The following LIN7A variants were observed in gnomAD, a reference collection of about 807,000 sequenced individuals.
LIN7A encodes protein lin-7 homolog A.
LIN7A carries 25 observed loss-of-function variants against 29.8 expected under a neutral mutation model. The ratio of observed to expected loss-of-function variants is 0.84; its 90% CI spans 0.61 to 1.17. LIN7A has a LOEUF of 1.17. Among genes scored for constraint, LIN7A ranks in the 50% most tolerant of loss-of-function variants. The pLI, the probability that LIN7A is intolerant of heterozygous loss-of-function variation, is 0.00. For missense variants in LIN7A, 239 were observed against 287.0 expected (o/e 0.83, Z 1.21); for synonymous variants, 118 against 107.5 (o/e 1.10, Z -0.60).
intron 2 of LIN7A, among the ~76,000 whole-genome samples, chr12:80,848,541 A>G (rs1346299960): frequency 2.0e-5 from 3 of 152,120 alleles, no homozygotes; most frequent in African/African-American, 7.2e-5. Flanking sequence ...ATTAAAATGT[A>G]GTAGAAAAAA....
At chr12:80,905,640 G>A (rs1876440439) in intron 1 of LIN7A, among the ~76,000 whole-genome samples, 1 of 152,078 alleles carries the variant, frequency 6.6e-6, no homozygotes, top group South Asian at 2.1e-4. Flanking sequence ...TCATACACAT[G>A]TATTTCAAAG....
Position 80,845,817 on chromosome 12 carries a change from A to C in LIN7A, c.396T>G (p.Ile132Met). The C allele has an allele frequency of 6.2e-7, 1 of 1,613,952 alleles. No individual in the cohort carries two copies. Among genetic ancestry groups the C allele is most frequent in the Non-Finnish European group, 8.5e-7 (1 of 1,179,936 alleles). The change falls in exon 4 of 6, where the codon ATT becomes ATG. Residue 132 changes from isoleucine (I) to methionine (M), a missense_variant. By Grantham distance (10) the Ile-to-Met change is conservative (BLOSUM62 1). Coordinates refer to ENST00000552864, the MANE Select transcript of LIN7A (RefSeq NM_004664.4). ...VMGGKEQNSPIYISRIIPGGV... is the reference protein window; with the variant it reads ...VMGGKEQNSPMYISRIIPGGV... ...CTCCAGGAATTATGCGAGAGATATA[A>C]ATGGGGGAATTTTGCTCCTTTCCTC... is the stretch of plus-strand genomic sequence containing the variant.
At position 80,918,510 on chromosome 12, in the gene LIN7A, C is replaced by T. The variant is rs535452592; in HGVS notation, c.82+19131G>A. 7.9e-5 allele frequency among the ~76,000 whole-genome samples: 12 copies of T among 152,212 alleles called. No individual in the cohort carries two copies. The Middle Eastern group carries it at 0.01, about 129-fold the overall frequency. On this transcript the variant is annotated intron_variant, in intron 1 of 5. Coordinates refer to ENST00000552864, the MANE Select transcript of LIN7A (RefSeq NM_004664.4). ...GCATAGGGCTGTCTGGGACCCCTTG[C>T]TCCCTTTTCATCTCCCTTCATCTAC...
chr12:80,799,630 G>A (rs951361302), intron 5 of LIN7A, among the ~76,000 whole-genome samples: 1 of 152,196 alleles, frequency 6.6e-6, no homozygotes. Context: ...AAATAAAAAT[G>A]TTTTGATAAG....
At chr12:80,827,463 C>A (rs1872136020) in intron 4 of LIN7A, among the ~76,000 whole-genome samples, 1 of 152,134 alleles carries the variant, frequency 6.6e-6, no homozygotes, top group Admixed American at 6.5e-5. Flanking sequence ...GTGTAAAGTG[C>A]CAAGTACTAA....
At chr12:80,909,452 G>A (rs1357535694) in intron 1 of LIN7A, among the ~76,000 whole-genome samples, 1 of 152,128 alleles carries the variant, frequency 6.6e-6, no homozygotes, top group African/African-American at 2.4e-5. Context: ...AATACCATAG[G>A]CTGGGTAATT....
chr12:80,818,637 A>C (rs1351536475), intron 4 of LIN7A, among the ~76,000 whole-genome samples: 1 of 152,216 alleles, frequency 6.6e-6, no homozygotes, highest in African/African-American at 2.4e-5. Flanking sequence ...CTTGATGTAC[A>C]TAGTAGTCAA....
At chr12:80,815,296 A>C (rs1056808995) in intron 4 of LIN7A, among the ~76,000 whole-genome samples, 1 of 152,212 alleles carries the variant, frequency 6.6e-6, no homozygotes, top group Non-Finnish European at 1.5e-5. Flanking sequence ...AGAACAAGAA[A>C]TCAAACCATC....
chr12:80,889,850 T>C (rs1875534804), intron 1 of LIN7A, among the ~76,000 whole-genome samples: 1 of 152,134 alleles, frequency 6.6e-6, no homozygotes, highest in African/African-American at 2.4e-5. Flanking sequence ...ACTTCTCTGG[T>C]TTGGTTACCA....
chr12:80,793,466 C>T lies in LIN7A; in HGVS notation c.*4261G>A, dbSNP rs886894581. 1.3e-5 allele frequency: 2 copies of T among 152,082 alleles called. No individual in the cohort carries two copies. The highest frequency in any genetic ancestry group is 4.8e-5 in the African/African-American group (2 of 41,424). 9.4% of individuals were successfully genotyped at this position (152,082 alleles called of 1,614,324 possible). A position where few individuals can be genotyped will look rare whatever the true frequency, so the allele number is the denominator to read the frequency against. Reference sequence around the variant, plus strand: ...GGGTGAGGAATTTTATTTTTTCTATCAGGTGTGAAGAGGACCCAATGGACA... The same window carrying T: ...GGGTGAGGAATTTTATTTTTTCTATTAGGTGTGAAGAGGACCCAATGGACA... On this transcript the variant is annotated 3_prime_UTR_variant, in exon 6 of 6. Transcript: ENST00000552864.
chr12:80,903,181 C>CT (rs1288310585), intron 1 of LIN7A, among the ~76,000 whole-genome samples: 6 of 151,608 alleles, frequency 4.0e-5, no homozygotes, highest in Non-Finnish European at 8.8e-5. Flanking sequence ...TTGGAGTACT[C>CT]TATTTTATAA....
chr12:80,811,483 T>G lies in LIN7A; in HGVS notation c.684A>C (p.Gln228His). Residue 228 changes from glutamine (Q) to histidine (H), a missense_variant, in exon 5 of 6, where the codon CAA becomes CAC. Transcript: ENST00000552864. The stretch of plus-strand genomic sequence containing the variant: ...TTCTCACCTATGACATGTGGTTTTG[T>G]TGTGTTTGTTGCTGCTGCTGCTGTT... ...QQQQQQQQQTQQNHMS is the reference protein window; with the variant it reads ...QQQQQQQQQTHQNHMS The G allele has an allele frequency of 6.8e-7, 1 of 1,471,650 alleles. No homozygotes were observed. Among genetic ancestry groups the G allele is most frequent in the Non-Finnish European group, 9.4e-7 (1 of 1,066,388 alleles). The allele number at this position is 1,471,650 out of a possible 1,614,324, so 91.2% of individuals were successfully genotyped here. A position where few individuals can be genotyped will look rare whatever the true frequency, so the allele number is the denominator to read the frequency against.
intron 4 of LIN7A, among the ~76,000 whole-genome samples, chr12:80,812,530 G>GTT (rs1871340160): frequency 6.8e-6 from 1 of 146,794 alleles, no homozygotes; most frequent in Admixed American, 6.9e-5. Flanking sequence ...AGTGCAAAAG[G>GTT]GTTTTTTTTC....
At chr12:80,821,270 G>T (rs967388522) in intron 4 of LIN7A, among the ~76,000 whole-genome samples, 1 of 152,138 alleles carries the variant, frequency 6.6e-6, no homozygotes, top group African/African-American at 2.4e-5. Flanking sequence ...GCTAGGGACT[G>T]TTCCAGTTTT....
chr12:80,851,205 C>A (rs1420773909), intron 2 of LIN7A, among the ~76,000 whole-genome samples: 2 of 152,072 alleles, frequency 1.3e-5, no homozygotes, highest in African/African-American at 4.8e-5. Context: ...TATACAGTGG[C>A]TACCATTAAA....
At chr12:80,806,917 G>T (rs1871018207) in intron 5 of LIN7A, among the ~76,000 whole-genome samples, 1 of 152,086 alleles carries the variant, frequency 6.6e-6, no homozygotes, top group African/African-American at 2.4e-5. Context: ...TGCCATCTTG[G>T]CAGGCACAAA....
chr12:80,858,844 A>G (rs1320427995), intron 2 of LIN7A, among the ~76,000 whole-genome samples: 1 of 152,172 alleles, frequency 6.6e-6, no homozygotes, highest in Non-Finnish European at 1.5e-5. Context: ...AAAAGTTTGC[A>G]AGGGTTGTAA....
chr12:80,826,018 G>C (rs1286151732), intron 4 of LIN7A, among the ~76,000 whole-genome samples: 1 of 152,166 alleles, frequency 6.6e-6, no homozygotes, highest in Admixed American at 6.5e-5. Flanking sequence ...CATTTATGTT[G>C]ATGTGTACCA....
intron 4 of LIN7A, among the ~76,000 whole-genome samples, chr12:80,826,059 CATTT>C (rs1872063783): frequency 1.3e-5 from 2 of 152,068 alleles, no homozygotes. Flanking sequence ...ATAGCTATAA[CATTT>C]AATTTAATTG....
Sources: gnomAD v4.1 joint callset for allele counts (sites outside exome capture counted in the v4.1 genomes callset) on GRCh38, gnomAD v4.1.1 for gene constraint, MANE v1.5 for transcripts, NCBI Gene and HGNC (gene_info 2026-07-23, HGNC 2026-07-21) for gene names.